PPP4C: variants seen among roughly 807,000 people sequenced by gnomAD.
PPP4C encodes the protein protein phosphatase 4 catalytic subunit.
A neutral mutation model predicts 40.5 loss-of-function variants in PPP4C; 10 were observed. That is an observed-to-expected ratio of 0.25 (90% CI 0.15 to 0.42). The LOEUF (loss-of-function observed/expected upper bound fraction) is 0.42, where lower values mean the gene tolerates loss of function less well. PPP4C is among the 10% of genes least tolerant of loss of function. The pLI, the probability that PPP4C is intolerant of heterozygous loss-of-function variation, is 1.00. For missense variants in PPP4C, 191 were observed against 416.4 expected (o/e 0.46, Z 4.71); for synonymous variants, 187 against 163.6 (o/e 1.14, Z -1.09).
chr16:30,083,890 G>C lies in PPP4C; in HGVS notation c.604+109G>C. 2.0e-6 allele frequency: 3 copies of C among 1,506,374 alleles called. No homozygotes were observed. The highest frequency in any genetic ancestry group is 2.7e-6 in the Non-Finnish European group (3 of 1,108,886). 93.3% of individuals were successfully genotyped at this position (1,506,374 alleles called of 1,614,324 possible). A position where few individuals can be genotyped will look rare whatever the true frequency, so the allele number is the denominator to read the frequency against. On this transcript the variant is annotated intron_variant, in intron 7 of 8. Coordinates refer to ENST00000279387, the MANE Select transcript of PPP4C (RefSeq NM_002720.3). The surrounding 1 kb of genome is among the most constrained non-coding windows in gnomAD (Gnocchi z 6.3). ...TCGTCCTCCACCTGCCAAATGGCTGGAACCCTGGAGGAGGAGCAGGGAGGC... is the reference window on the plus strand; with the variant it reads ...TCGTCCTCCACCTGCCAAATGGCTGCAACCCTGGAGGAGGAGCAGGGAGGC...
At position 30,085,203 on chromosome 16, in the gene PPP4C, C is replaced by A; in HGVS notation, c.*141C>A. ...CAAGAGGGTGCTTCGAGGGTGAGGA[C>A]TTCTCTGGAGAGGCCTGGAGACCTA... On this transcript the variant is annotated 3_prime_UTR_variant, in exon 9 of 9. Coordinates refer to ENST00000279387, the MANE Select transcript of PPP4C (RefSeq NM_002720.3). The A allele has an allele frequency of 1.8e-6, 2 of 1,091,788 alleles. No individual in the cohort carries two copies. Among genetic ancestry groups the A allele is most frequent in the Non-Finnish European group, 1.3e-6 (1 of 760,342 alleles). 67.6% of individuals were successfully genotyped at this position (1,091,788 alleles called of 1,614,324 possible). A position where few individuals can be genotyped will look rare whatever the true frequency, so the allele number is the denominator to read the frequency against.
Position 30,085,091 on chromosome 16 carries a change from C to T in PPP4C, c.*29C>T, listed in dbSNP as rs1386401647. 1 of 1,608,958 alleles carries T rather than the reference C, an allele frequency of 6.2e-7. No individual in the cohort carries two copies. The highest frequency in any genetic ancestry group is 1.1e-5 in the South Asian group (1 of 90,640). ...CGCCCGGCCCCTGCCCCCTCCAACC[C>T]TTCTGGCCCTCGCACCACTGTGACT... On this transcript the variant is annotated 3_prime_UTR_variant, in exon 9 of 9. Transcript: ENST00000279387.
Position 30,076,367 on chromosome 16 carries a change from G to C in PPP4C, c.-11G>C. The C allele has an allele frequency of 6.2e-7, 1 of 1,612,000 alleles. No individual in the cohort carries two copies. Among genetic ancestry groups the C allele is most frequent in the Non-Finnish European group, 8.5e-7 (1 of 1,179,268 alleles). On this transcript the variant is annotated 5_prime_UTR_variant, in exon 2 of 9. Transcript: ENST00000279387. ...GGCGGCCCCGACTCTGACCCGCGCC[G>C]GGGGTGGGCCATGGCGGAGATCAGC...
intron 2 of PPP4C, among the ~76,000 whole-genome samples, chr16:30,080,663 C>T (rs1263641033): frequency 2.6e-5 from 4 of 151,992 alleles, no homozygotes; most frequent in South Asian, 4.2e-4. Flanking sequence ...CGCGCCACCA[C>T]GCCTGGCTAA....
At chr16:30,079,477 C>T (rs143284736) in intron 2 of PPP4C, among the ~76,000 whole-genome samples, 35 of 152,246 alleles carry the variant, frequency 2.3e-4, no homozygotes, top group Non-Finnish European at 4.4e-4. Flanking sequence ...CATGAGCCAC[C>T]GCGCCCGGCC....
intron 2 of PPP4C, among the ~76,000 whole-genome samples, chr16:30,077,109 G>A (rs2072417122): frequency 6.6e-6 from 1 of 152,172 alleles, no homozygotes; most frequent in South Asian, 2.1e-4. Flanking sequence ...ACGATAGGGA[G>A]GCCAGTTCAG....
chr16:30,085,297 TC>T lies in PPP4C; in HGVS notation c.*237del, dbSNP rs1451823570. ...TTCCAATAATTTTTTTTTCTTTTTTTCCTTCTTTTTTCTGTTTGTTTTTAGA... is the reference window on the plus strand; with the variant it reads ...TTCCAATAATTTTTTTTTCTTTTTTTCTTCTTTTTTCTGTTTGTTTTTAGA... On this transcript the variant is annotated 3_prime_UTR_variant, in exon 9 of 9. Coordinates refer to ENST00000279387, the MANE Select transcript of PPP4C (RefSeq NM_002720.3). 2.5e-6 allele frequency: 1 copy of T among 400,128 alleles called. No homozygotes were observed. Among genetic ancestry groups the T allele is most frequent in the African/African-American group, 2.1e-5 (1 of 48,676 alleles). The allele number at this position is 400,128 out of a possible 1,614,324, so 24.8% of individuals were successfully genotyped here.
chr16:30,080,833 A>G (rs1350347069), intron 2 of PPP4C, among the ~76,000 whole-genome samples: 1 of 152,094 alleles, frequency 6.6e-6, no homozygotes, highest in African/African-American at 2.4e-5. Context: ...AGGCGCATCC[A>G]CTGTGGGCCT....
At chr16:30,082,053 T>TAAAA (rs760700971) in intron 3 of PPP4C, among the ~76,000 whole-genome samples, 1 of 120,540 alleles carries the variant, frequency 8.3e-6, no homozygotes, top group Non-Finnish European at 1.9e-5. Context: ...AGACTCCGTC[T>TAAAA]AAAAAAAAAA....
intron 3 of PPP4C, 162 bp downstream of exon 3, chr16:30,081,472 C>T (rs2072505246): frequency 1.3e-5 from 8 of 598,106 alleles, no homozygotes; most frequent in East Asian, 5.8e-5. Flanking sequence ...TTGCTGTGCA[C>T]GTTGGCTCAC....
Position 30,076,054 on chromosome 16 carries a change from A to G in PPP4C, c.-104A>G, listed in dbSNP as rs2072383232. 4.7e-6 allele frequency: 2 copies of G among 424,492 alleles called. No individual in the cohort carries two copies. The highest frequency in any genetic ancestry group is 4.2e-6 in the Non-Finnish European group (1 of 236,686). The allele number at this position is 424,492 out of a possible 1,614,324, so 26.3% of individuals were successfully genotyped here. ...CGGTCGAAAGCGGAGTGAAAGAGGG[A>G]GGCAGGGAGCCGGAGAGCCGGAACC... On this transcript the variant is annotated 5_prime_UTR_variant, in exon 1 of 9. Coordinates refer to ENST00000279387, the MANE Select transcript of PPP4C (RefSeq NM_002720.3).
At chr16:30,080,506 CTTTTTT>C (rs71373222) in intron 2 of PPP4C, among the ~76,000 whole-genome samples, 1 of 123,988 alleles carries the variant, frequency 8.1e-6, no homozygotes, top group African/African-American at 3.0e-5. Flanking sequence ...GAGCACCTCA[CTTTTTT>C]TTTTTTTTTT....
At position 30,084,706 on chromosome 16, in the gene PPP4C, C is replaced by T. The variant is rs764562836; in HGVS notation, c.645C>T (p.Tyr215=). The T allele has an allele frequency of 1.2e-6, 2 of 1,614,242 alleles. No individual in the cohort carries two copies. Among genetic ancestry groups the T allele is most frequent in the South Asian group, 2.2e-5 (2 of 91,088 alleles). ...GWGVSPRGAG[Y]LFGSDVVAQF... Reference sequence around the variant, plus strand: ...GCGTGAGCCCCCGAGGAGCCGGCTACCTATTTGGCAGTGACGTGGTGGCCC... The same window carrying T: ...GCGTGAGCCCCCGAGGAGCCGGCTATCTATTTGGCAGTGACGTGGTGGCCC... The change falls in exon 8 of 9, where the codon TAC becomes TAT. Residue 215 remains tyrosine, a synonymous_variant. Coordinates refer to ENST00000279387, the MANE Select transcript of PPP4C (RefSeq NM_002720.3).
chr16:30,081,351 C>T, intron 3 of PPP4C, 41 bp downstream of exon 3: 2 of 1,556,602 alleles, frequency 1.3e-6, no homozygotes, highest in Non-Finnish European at 1.8e-6. Flanking sequence ...CCTGGTCTTT[C>T]AGGCACATGA....
In PPP4C at chr16:30,085,241, T is replaced by TGGAGA; in HGVS notation, c.*179_*180insGGAGA. On this transcript the variant is annotated 3_prime_UTR_variant, in exon 9 of 9. Coordinates refer to ENST00000279387, the MANE Select transcript of PPP4C (RefSeq NM_002720.3). ...GCCTGGAGACCTAGCTCCATGTTCC[T>TGGAGA]CCTCCTCTCTCCCCACTTGAACCAT... is the stretch of plus-strand genomic sequence containing the variant. 1 of 554,886 alleles carries TGGAGA rather than the reference T, an allele frequency of 1.8e-6. No homozygotes were observed. The highest frequency in any genetic ancestry group is 3.1e-6 in the Non-Finnish European group (1 of 326,694). 34.4% of individuals were successfully genotyped at this position (554,886 alleles called of 1,614,324 possible).
At position 30,081,326 on chromosome 16, in the gene PPP4C, C is replaced by T. The variant is rs200077852; in HGVS notation, c.150+16C>T. The T allele has an allele frequency of 6.9e-6, 11 of 1,601,806 alleles. No individual in the cohort carries two copies. Among genetic ancestry groups the T allele is most frequent in the Admixed American group, 6.7e-5 (4 of 59,980 alleles). On this transcript the variant is annotated intron_variant, in intron 3 of 8. Coordinates refer to ENST00000279387, the MANE Select transcript of PPP4C (RefSeq NM_002720.3). ...GCCAGTCACAGTGAGTACCTGCTGT[C>T]CCTGCAGAGCCAGGCCTGGTCTTTC...
At chr16:30,084,381 G>A (rs1004563036) in intron 7 of PPP4C, among the ~76,000 whole-genome samples, 2 of 152,242 alleles carry the variant, frequency 1.3e-5, no homozygotes, top group Non-Finnish European at 2.9e-5. Flanking sequence ...GTCTCTGGGA[G>A]TGCCCCTTTC....
chr16:30,084,757 C>G lies in PPP4C; in HGVS notation c.696C>G (p.Asp232Glu). The change falls in exon 8 of 9, where the codon GAC becomes GAG. Residue 232 changes from aspartate to glutamate, a missense_variant. Asp to Glu is a conservative substitution (Grantham distance 45). Transcript: ENST00000279387. ...AGTTCAACGCAGCCAATGACATTGACATGATCTGCCGTGCCCACCAACTGG... is the reference window on the plus strand; with the variant it reads ...AGTTCAACGCAGCCAATGACATTGAGATGATCTGCCGTGCCCACCAACTGG... ...VAQFNAANDI[D>E]MICRAHQLVM... 6.2e-7 allele frequency: 1 copy of G among 1,614,274 alleles called. No individual in the cohort carries two copies. Among genetic ancestry groups the G allele is most frequent in the Non-Finnish European group, 8.5e-7 (1 of 1,180,046 alleles).
In PPP4C at chr16:30,082,775, C is replaced by T. The variant is rs138888174; in HGVS notation, c.231C>T (p.Tyr77=). 20 of 1,614,092 alleles carry T rather than the reference C, an allele frequency of 1.2e-5. No individual in the cohort carries two copies. The East Asian group carries it at 3.3e-4, about 27-fold the overall frequency. The change falls in exon 5 of 9, where the codon TAC becomes TAT. Residue 77 remains tyrosine, a synonymous_variant. Transcript: ENST00000279387. ...GTGGCGACGTCCCTGAGACCAACTA[C>T]CTCTTCATGGGGGACTTTGTGGACC... is the stretch of plus-strand genomic sequence containing the variant. ...RVGGDVPETN[Y]LFMGDFVDRG... is the part of the protein sequence containing the mutation.
Sources: gnomAD v4.1 joint callset for allele counts (sites outside exome capture counted in the v4.1 genomes callset) on GRCh38, gnomAD v4.1.1 for gene constraint, Gnocchi (gnomAD v3.1) non-coding constraint, MANE v1.5 for transcripts, NCBI Gene and HGNC (gene_info 2026-07-23, HGNC 2026-07-21) for gene names.